The following SHISA9 variants were observed in gnomAD, a reference collection of about 807,000 sequenced individuals.
SHISA9 encodes shisa family member 9, also known as protein shisa-9.
In SHISA9, 13 loss-of-function variants were observed where a neutral mutation model predicts 38.0. That is an observed-to-expected ratio of 0.34 (90% CI 0.22 to 0.54). The LOEUF is 0.54. SHISA9 is among the 20% of genes least tolerant of loss of function. SHISA9 has a pLI of 0.91. For synonymous variants in SHISA9, 275 were observed against 242.0 expected (o/e 1.14, Z -1.27); for missense variants, 538 against 575.8 (o/e 0.93, Z 0.67).
At chr16:13,084,074 G>A (rs550547480) in intron 2 of SHISA9, among the ~76,000 whole-genome samples, 1 of 149,810 alleles carries the variant, frequency 6.7e-6, no homozygotes, top group Non-Finnish European at 1.5e-5. Context: ...TTGCAGTGAG[G>A]TTATTCATAT....
At chr16:13,253,455 A>G in the SHISA9 span, among the ~76,000 whole-genome samples, 2 of 152,206 alleles carry the variant, frequency 1.3e-5, no homozygotes, top group African/African-American at 4.8e-5. Context: ...GGTAATTTAT[A>G]TAAGAAGAGG....
At chr16:13,461,436 G>A in the SHISA9 span, among the ~76,000 whole-genome samples, 14 of 151,800 alleles carry the variant, frequency 9.2e-5, no homozygotes, top group African/African-American at 2.9e-4. Context: ...AAAATTAGCC[G>A]GACGTGGTGG....
chr16:13,080,330 G>A (rs142613602), intron 2 of SHISA9, among the ~76,000 whole-genome samples: 21 of 152,262 alleles, frequency 1.4e-4, no homozygotes, highest in East Asian at 7.7e-4. Context: ...CCTAGATTGC[G>A]CCACTGCACT....
intron 1 of SHISA9, chr16:12,911,736 A>G (rs910823239): frequency 3.9e-5 from 6 of 152,238 alleles, no homozygotes; most frequent in African/African-American, 1.4e-4. Flanking sequence ...GAAGCTTTTG[A>G]AGAGAAGGGA....
chr16:13,167,860 A>G (rs1366709749), intron 2 of SHISA9, among the ~76,000 whole-genome samples: 24 of 152,296 alleles, frequency 1.6e-4, no homozygotes, highest in Non-Finnish European at 4.4e-5. Context: ...TTATAGCAGA[A>G]CTTAGTGTGA....
At chr16:13,512,501 C>A in the SHISA9 span, among the ~76,000 whole-genome samples, 19 of 152,080 alleles carry the variant, frequency 1.2e-4, no homozygotes, top group Admixed American at 6.5e-5. Flanking sequence ...TTAGAAAAAA[C>A]TAGTTTAAAT....
intron 2 of SHISA9, among the ~76,000 whole-genome samples, chr16:12,980,825 C>T (rs936717822): frequency 2.0e-5 from 3 of 151,818 alleles, no homozygotes; most frequent in Non-Finnish European, 4.4e-5. Context: ...TAGCTGTATC[C>T]ATTTTGTGTC....
At chr16:13,519,785 C>T in the SHISA9 span, among the ~76,000 whole-genome samples, 2 of 152,232 alleles carry the variant, frequency 1.3e-5, no homozygotes, top group African/African-American at 4.8e-5. Flanking sequence ...CCTTATGAAA[C>T]CATCAGATTT....
chr16:13,422,334 G>C, the SHISA9 span, among the ~76,000 whole-genome samples: 1 of 152,104 alleles, frequency 6.6e-6, no homozygotes. Context: ...ACATTCAAAA[G>C]CTATTTATTA....
intron 2 of SHISA9, among the ~76,000 whole-genome samples, chr16:12,970,779 C>A (rs1357520989): frequency 2.0e-5 from 3 of 151,764 alleles, no homozygotes; most frequent in Non-Finnish European, 1.5e-5. Context: ...CCACCTCAGC[C>A]TCCCAGAGTG....
intron 2 of SHISA9, among the ~76,000 whole-genome samples, chr16:13,033,435 T>C (rs1008795863): frequency 1.3e-5 from 2 of 152,236 alleles, no homozygotes; most frequent in East Asian, 3.9e-4. Flanking sequence ...GTGCTTCATT[T>C]CTTTCTTTTT....
At position 13,187,689 on chromosome 16, in the gene SHISA9, T is replaced by G. The variant is rs145815307; in HGVS notation, c.692-15705T>G. On this transcript the variant is annotated intron_variant, in intron 2 of 4. Transcript: ENST00000558583. ...AGAGTAAGACTGATGATAGTGACCT[T>G]TGCTGTGAATTTCATAACCATTCAC... 2.0e-4 allele frequency among the ~76,000 whole-genome samples: 30 copies of G among 152,262 alleles called. No homozygotes were observed. The East Asian group carries it at 5.4e-3, about 28-fold the overall frequency.
intron 2 of SHISA9, among the ~76,000 whole-genome samples, chr16:13,009,015 G>T (rs115407104): frequency 6.6e-6 from 1 of 151,968 alleles, no homozygotes; most frequent in African/African-American, 2.4e-5. Context: ...GGACTCCATA[G>T]GGGATGGAGA....
intron 2 of SHISA9, among the ~76,000 whole-genome samples, chr16:13,098,329 T>C (rs975965091): frequency 2.0e-5 from 3 of 152,238 alleles, no homozygotes; most frequent in African/African-American, 7.2e-5. Flanking sequence ...GTGGCCTTTA[T>C]TGCATCCATA....
At chr16:13,186,391 G>A (rs1343549289) in intron 2 of SHISA9, among the ~76,000 whole-genome samples, 1 of 146,434 alleles carries the variant, frequency 6.8e-6, no homozygotes, top group Non-Finnish European at 1.5e-5. Flanking sequence ...TCTGCCTACT[G>A]GGTTCAAGCA....
chr16:13,213,217 CAG>C (rs1284977097), intron 3 of SHISA9, 34 bp from the exon 4 acceptor site: 1 of 1,547,318 alleles, frequency 6.5e-7, no homozygotes, highest in East Asian at 2.4e-5. Context: ...GCCCTGCAAA[CAG>C]ATCATCAGCA....
chr16:13,276,113 A>G, the SHISA9 span, among the ~76,000 whole-genome samples: 1 of 151,868 alleles, frequency 6.6e-6, no homozygotes, highest in Non-Finnish European at 1.5e-5. Flanking sequence ...GTCCATTATC[A>G]TCCTTATGCT....
chr16:13,448,588 C>G, the SHISA9 span, among the ~76,000 whole-genome samples: 31 of 152,358 alleles, frequency 2.0e-4, no homozygotes, highest in East Asian at 5.8e-3. Context: ...AAGGCAGAGC[C>G]TACATGTTCC....
intron 2 of SHISA9, among the ~76,000 whole-genome samples, chr16:13,133,929 T>C (rs941273604): frequency 1.3e-5 from 2 of 152,218 alleles, no homozygotes; most frequent in African/African-American, 4.8e-5. Context: ...GGTGATAATA[T>C]AAAGCAGATA....
Sources: allele counts gnomAD v4.1 joint callset (sites outside exome capture counted in the v4.1 genomes callset), GRCh38; gene constraint gnomAD v4.1.1; transcripts MANE v1.5; gene names NCBI Gene and HGNC (gene_info 2026-07-23, HGNC 2026-07-21).